NTRK3: variants seen among roughly 807,000 people sequenced by gnomAD.
The protein encoded by NTRK3 is neurotrophic receptor tyrosine kinase 3, also known as NT-3 growth factor receptor.
Under a neutral mutation model 91.7 loss-of-function variants are expected in NTRK3, and 24 were observed. The ratio of observed to expected loss-of-function variants is 0.26; its 90% CI spans 0.19 to 0.37. The LOEUF (loss-of-function observed/expected upper bound fraction) is 0.37, where lower values mean the gene tolerates loss of function less well. Ranked by LOEUF, NTRK3 falls within the 10% of genes least tolerant of loss-of-function variation. The pLI is 1.00. For synonymous variants in NTRK3, 483 were observed against 404.0 expected (o/e 1.20, Z -2.34); for missense variants, 880 against 1,068.9 (o/e 0.82, Z 2.46).
At chr15:88,112,222 T>C (rs2051488466) in intron 13 of NTRK3, among the ~76,000 whole-genome samples, 2 of 152,246 alleles carry the variant, frequency 1.3e-5, no homozygotes, top group African/African-American at 4.8e-5. Flanking sequence ...TTCTGTTTTA[T>C]GTCCATTATT....
At chr15:88,129,717 C>T (rs1480488756) in intron 10 of NTRK3, among the ~76,000 whole-genome samples, 1 of 152,134 alleles carries the variant, frequency 6.6e-6, no homozygotes, top group Non-Finnish European at 1.5e-5. Flanking sequence ...GGAGACAGGG[C>T]ACAGGAGCCA....
chr15:88,014,323 C>T (rs560504438), intron 14 of NTRK3, among the ~76,000 whole-genome samples: 1 of 152,152 alleles, frequency 6.6e-6, no homozygotes, highest in South Asian at 2.1e-4. Flanking sequence ...GAGACAACAG[C>T]CATTGGTCCT....
At chr15:88,115,295 C>A (rs4887363) in intron 13 of NTRK3, among the ~76,000 whole-genome samples, 1 of 152,094 alleles carries the variant, frequency 6.6e-6, no homozygotes, top group East Asian at 1.9e-4. Flanking sequence ...CACAAAGCAG[C>A]GGGCTGGTGC....
intron 13 of NTRK3, among the ~76,000 whole-genome samples, chr15:88,074,861 C>T (rs565914889): frequency 1.3e-5 from 2 of 152,226 alleles, no homozygotes; most frequent in South Asian, 2.1e-4. Flanking sequence ...CTCAGAACCT[C>T]CATTTTCCCA....
intron 17 of NTRK3, among the ~76,000 whole-genome samples, chr15:87,913,075 G>A (rs2067211184): frequency 6.6e-6 from 1 of 150,722 alleles, no homozygotes; most frequent in African/African-American, 2.4e-5. Flanking sequence ...CCTTGGCAGT[G>A]TGTAAAGGGG....
Position 87,894,122 on chromosome 15 carries a change from A to G in NTRK3, c.2134-13694T>C, listed in dbSNP as rs77348553. Among the ~76,000 whole-genome samples, 1,328 of 152,352 alleles carry G rather than the reference A, an allele frequency of 8.7e-3. 15 individuals are homozygous for G. Among genetic ancestry groups the G allele is most frequent in the Non-Finnish European group, 0.012 (842 of 68,038 alleles). On this transcript the variant is annotated intron_variant, in intron 17 of 18. Coordinates refer to ENST00000394480, the Ensembl canonical transcript of NTRK3. ...AAAAGTGGTTATGTGCATTAAGAAA[A>G]CATGAAAAACTAAATCTATGCCTTC...
exon 2 of NTRK3, chr15:88,256,477 G>A: frequency 7.7e-6 from 4 of 521,718 alleles, no homozygotes. Flanking sequence ...CGCGCTCTCC[G>A]ACTCCGAGAC....
chr15:87,993,199 C>T (rs1381009425), intron 14 of NTRK3, among the ~76,000 whole-genome samples: 1 of 152,038 alleles, frequency 6.6e-6, no homozygotes, highest in Non-Finnish European at 1.5e-5. Context: ...GAGTCATGGC[C>T]GTACCATTTA....
At chr15:88,018,143 T>G (rs572393348) in intron 14 of NTRK3, among the ~76,000 whole-genome samples, 1 of 152,324 alleles carries the variant, frequency 6.6e-6, no homozygotes, top group South Asian at 2.1e-4. Context: ...AGCTCTTGCA[T>G]CACCACCAAT....
intron 5 of NTRK3, among the ~76,000 whole-genome samples, chr15:88,158,630 G>A (rs1005441682): frequency 6.6e-6 from 1 of 152,226 alleles, no homozygotes; most frequent in African/African-American, 2.4e-5. Flanking sequence ...ACTATTCTGC[G>A]GGGTGGGTGG....
intron 13 of NTRK3, among the ~76,000 whole-genome samples, chr15:88,057,358 C>T (rs1168649712): frequency 2.0e-5 from 3 of 151,494 alleles, no homozygotes; most frequent in Non-Finnish European, 4.4e-5. Flanking sequence ...ATTAGCCGGG[C>T]GTGGTGGCAG....
At chr15:88,193,791 A>G (rs754925970) in intron 3 of NTRK3, among the ~76,000 whole-genome samples, 46 of 152,178 alleles carry the variant, frequency 3.0e-4, no homozygotes, top group Admixed American at 2.0e-4. Context: ...ATGTTTTTCC[A>G]TCAACATATA....
At chr15:88,189,467 A>G (rs975669911) in intron 3 of NTRK3, among the ~76,000 whole-genome samples, 12 of 149,590 alleles carry the variant, frequency 8.0e-5, no homozygotes, top group Non-Finnish European at 1.6e-4. Context: ...CTTGCCACCC[A>G]GGCTGGAGTG....
rs1471965817 is a variant in NTRK3 at position 88,095,511 on chromosome 15, G to A, written c.1396+30760C>T. ...CTTGGAGTCAGAAGGAGGAAAGCAGGGTTTGTATAACTCTCAGTCCACTTT... is the reference window on the plus strand; with the variant it reads ...CTTGGAGTCAGAAGGAGGAAAGCAGAGTTTGTATAACTCTCAGTCCACTTT... On this transcript the variant is annotated intron_variant, in intron 13 of 18. Coordinates refer to ENST00000394480, the Ensembl canonical transcript of NTRK3. Among the ~76,000 whole-genome samples the A allele has an allele frequency of 2.0e-5, 3 of 152,246 alleles. No homozygotes were observed. The East Asian group carries it at 5.8e-4, about 29-fold the overall frequency.
At position 88,255,124 on chromosome 15, in the gene NTRK3, T is replaced by C. The variant is rs2053883740; in HGVS notation, c.248+782A>G. ...ACGATCACACAAGAAACCCCTCTCC[T>C]CAAAACACACGCCCTCTCCTCTCCC... On this transcript the variant is annotated intron_variant, in intron 3 of 18. Transcript: ENST00000394480. The surrounding 1 kb of genome is among the most constrained non-coding windows in gnomAD (Gnocchi z 4.3). Among the ~76,000 whole-genome samples, 1 of 152,038 alleles carries C rather than the reference T, an allele frequency of 6.6e-6. No individual in the cohort carries two copies. The highest frequency in any genetic ancestry group is 2.4e-5 in the African/African-American group (1 of 41,388).
chr15:87,945,197 A>G (rs1369426), intron 14 of NTRK3, among the ~76,000 whole-genome samples: 88,528 of 152,086 alleles, frequency 0.58, 26,831 homozygotes, highest in African/African-American at 0.76. Context: ...GGTTCTTTGG[A>G]AAATTAAAAG....
chr15:88,140,543 G>C (rs931945740), intron 6 of NTRK3, among the ~76,000 whole-genome samples: 21 of 152,212 alleles, frequency 1.4e-4, no homozygotes, highest in African/African-American at 5.1e-4. Flanking sequence ...GCCTCAAAGA[G>C]CTGTTGTTTA....
chr15:88,030,863 T>C (rs1205286744), intron 14 of NTRK3, among the ~76,000 whole-genome samples: 2 of 152,368 alleles, frequency 1.3e-5, no homozygotes, highest in South Asian at 2.1e-4. Context: ...TCAACTCTCA[T>C]ACTATAAACA....
intron 14 of NTRK3, among the ~76,000 whole-genome samples, chr15:87,962,264 A>G (rs537656081): frequency 3.4e-4 from 52 of 152,240 alleles, no homozygotes; most frequent in African/African-American, 1.2e-3. Context: ...TCTGCTGTCT[A>G]AAGACCTTTC....
Sources: allele counts gnomAD v4.1 joint callset (sites outside exome capture counted in the v4.1 genomes callset), GRCh38; gene constraint gnomAD v4.1.1; non-coding constraint Gnocchi (gnomAD v3.1); transcripts MANE v1.5; gene names NCBI Gene and HGNC (gene_info 2026-07-23, HGNC 2026-07-21).